Variants in FILIP1L observed in about 807,000 individuals in gnomAD.
FILIP1L encodes the protein filamin A-interacting protein 1-like.
In FILIP1L, 55 loss-of-function variants were observed where a neutral mutation model predicts 96.6. The observed-to-expected ratio is 0.57, with a 90% CI of 0.46 to 0.71. The LOEUF is 0.71. Among genes scored for constraint, FILIP1L ranks in the 30% least tolerant of loss-of-function variants. The probability of loss-of-function intolerance (pLI) is 0.00; values close to 1 mark genes in which losing one functional copy is unlikely to be tolerated. For synonymous variants in FILIP1L, 467 were observed against 473.9 expected (o/e 0.99, Z 0.19); for missense variants, 1,304 against 1,321.2 (o/e 0.99, Z 0.20).
chr3:99,908,685 T>C (rs747902552), intron 4 of FILIP1L, among the ~76,000 whole-genome samples: 1 of 152,216 alleles, frequency 6.6e-6, no homozygotes, highest in Non-Finnish European at 1.5e-5. Flanking sequence ...TTACCTCCTT[T>C]AAAAGGTTGT....
At position 99,941,200 on chromosome 3, in the gene FILIP1L, T is replaced by C. The variant is rs182447178; in HGVS notation, c.-10-10170A>G. On this transcript the variant is annotated intron_variant, in intron 1 of 5. Transcript: ENST00000477258. ...TCCTATTCCTTACGTCTTTTTTTTTTAGACACACGGAGTTGATATTATTCT... is the reference window on the plus strand; with the variant it reads ...TCCTATTCCTTACGTCTTTTTTTTTCAGACACACGGAGTTGATATTATTCT... Among the ~76,000 whole-genome samples, 111 of 152,330 alleles carry C rather than the reference T, an allele frequency of 7.3e-4. 2 individuals carry two copies. In the East Asian group the frequency reaches 0.019, roughly 27 times the overall value.
chr3:99,836,386 G>A (rs764169678), intron 5 of FILIP1L, among the ~76,000 whole-genome samples: 1 of 152,162 alleles, frequency 6.6e-6, no homozygotes, highest in South Asian at 2.1e-4. Flanking sequence ...AGTATATTGG[G>A]TTATGGGCGC....
rs574150700 is a variant in FILIP1L, at chr3:99,983,594, G to A, written c.-10-52564C>T. Among the ~76,000 whole-genome samples, 42 of 145,124 alleles carry A rather than the reference G, an allele frequency of 2.9e-4. 1 individual carries two copies. In the East Asian group the frequency reaches 8.3e-3, roughly 29 times the overall value. ...AATCCCAGCTACTTGGGAGGTTGAG[G>A]CAAGATAATTGCTTGAACCGGGGAG... is the stretch of plus-strand genomic sequence containing the variant. On this transcript the variant is annotated intron_variant, in intron 1 of 5. Transcript: ENST00000477258.
chr3:99,873,451 T>A (rs566053057), intron 4 of FILIP1L, among the ~76,000 whole-genome samples: 66 of 152,336 alleles, frequency 4.3e-4, no homozygotes, highest in African/African-American at 1.5e-3. Flanking sequence ...CAGTCTTTTA[T>A]AAACAGTTCT....
intron 1 of FILIP1L, among the ~76,000 whole-genome samples, chr3:99,957,330 A>G (rs1487901000): frequency 2.6e-5 from 4 of 152,120 alleles, no homozygotes; most frequent in Non-Finnish European, 5.9e-5. Context: ...GCATTAACAG[A>G]AAGTATTTAG....
chr3:99,878,553 A>G (rs1705616785), intron 4 of FILIP1L, among the ~76,000 whole-genome samples: 1 of 152,206 alleles, frequency 6.6e-6, no homozygotes, highest in African/African-American at 2.4e-5. Context: ...TGTTTGGTAA[A>G]GGAGTGTTCA....
At chr3:100,060,498 GA>G (rs112558785) in intron 1 of FILIP1L, among the ~76,000 whole-genome samples, 32 of 148,062 alleles carry the variant, frequency 2.2e-4, no homozygotes, top group East Asian at 3.9e-4. Flanking sequence ...CTTCACCCAA[GA>G]AAAAAAAAAT....
chr3:100,052,601 G>A lies in FILIP1L; in HGVS notation c.-11+61452C>T, dbSNP rs535020912. Among the ~76,000 whole-genome samples the A allele has an allele frequency of 2.6e-5, 4 of 152,302 alleles. No individual in the cohort carries two copies. In the South Asian group the frequency reaches 8.3e-4, roughly 32 times the overall value. ...ATTCAATGCTAGTATAGGAAAGAGG[G>A]CCTGAGACATGAAGATAGCTCAGGA... On this transcript the variant is annotated intron_variant, in intron 1 of 5. Coordinates refer to ENST00000477258, the MANE Select transcript of FILIP1L (RefSeq NM_001387850.1).
intron 1 of FILIP1L, among the ~76,000 whole-genome samples, chr3:99,966,412 CTATA>C (rs1396765911): frequency 6.6e-6 from 1 of 151,784 alleles, no homozygotes; most frequent in Non-Finnish European, 1.5e-5. Context: ...TTTTTTTCGG[CTATA>C]TATAGTTTTA....
chr3:99,942,560 C>G (rs145604690), intron 1 of FILIP1L, among the ~76,000 whole-genome samples: 1,759 of 152,242 alleles, frequency 0.012, 19 homozygotes, highest in African/African-American at 0.026. Flanking sequence ...TGCCAGTCGC[C>G]GTGGCTCACG....
In FILIP1L at chr3:99,938,578, C is replaced by T. The variant is rs182355805; in HGVS notation, c.-10-7548G>A. 1.1e-4 allele frequency among the ~76,000 whole-genome samples: 17 copies of T among 152,290 alleles called. No homozygotes were observed. In the East Asian group the frequency reaches 3.3e-3, roughly 29 times the overall value. On this transcript the variant is annotated intron_variant, in intron 1 of 5. Coordinates refer to ENST00000477258, the MANE Select transcript of FILIP1L (RefSeq NM_001387850.1). The stretch of plus-strand genomic sequence containing the variant: ...CTTTACATTTGCACTTGCATTTCCC[C>T]CTATCTTTACACAGAACCTTTAAGC...
intron 1 of FILIP1L, among the ~76,000 whole-genome samples, chr3:100,087,900 G>A (rs1480653048): frequency 4.2e-5 from 6 of 142,656 alleles, no homozygotes; most frequent in Non-Finnish European, 6.0e-5. Context: ...GCAAGATCTC[G>A]ACTCACTGCA....
At chr3:100,056,738 G>A (rs913919005) in intron 1 of FILIP1L, among the ~76,000 whole-genome samples, 10 of 151,090 alleles carry the variant, frequency 6.6e-5, no homozygotes, top group South Asian at 4.2e-4. Context: ...GGTGGCTCAC[G>A]CCTGTAATCC....
At chr3:99,887,213 G>C (rs551689350) in intron 4 of FILIP1L, among the ~76,000 whole-genome samples, 1 of 151,946 alleles carries the variant, frequency 6.6e-6, no homozygotes, top group South Asian at 2.1e-4. Flanking sequence ...GTCGCGGTTA[G>C]CCGAGATTGA....
At chr3:100,087,342 A>C (rs2066026468) in intron 1 of FILIP1L, among the ~76,000 whole-genome samples, 1 of 152,244 alleles carries the variant, frequency 6.6e-6, no homozygotes, top group Non-Finnish European at 1.5e-5. Context: ...CCAGTTGCTC[A>C]GCAACCTCAC....
At chr3:99,963,491 G>GT in intron 1 of FILIP1L, among the ~76,000 whole-genome samples, 1 of 152,194 alleles carries the variant, frequency 6.6e-6, no homozygotes, top group South Asian at 2.1e-4. Flanking sequence ...GGGAGCAACT[G>GT]CTTGAAAGTA....
intron 4 of FILIP1L, among the ~76,000 whole-genome samples, chr3:99,906,939 G>T (rs1706637088): frequency 6.6e-6 from 1 of 152,184 alleles, no homozygotes; most frequent in South Asian, 2.1e-4. Flanking sequence ...AGACAACTCT[G>T]AATGGTTTCA....
chr3:100,006,430 C>T (rs1709987834), intron 1 of FILIP1L, among the ~76,000 whole-genome samples: 1 of 152,094 alleles, frequency 6.6e-6, no homozygotes, highest in African/African-American at 2.4e-5. Flanking sequence ...CTATTACCCA[C>T]AAATGGATAA....
intron 4 of FILIP1L, among the ~76,000 whole-genome samples, chr3:99,869,390 C>T (rs1351563914): frequency 6.6e-6 from 1 of 152,152 alleles, no homozygotes; most frequent in East Asian, 1.9e-4. Context: ...TATTTGAAAG[C>T]CTCAAGAATA....
Sources: gnomAD v4.1 joint callset for allele counts (sites outside exome capture counted in the v4.1 genomes callset) on GRCh38, gnomAD v4.1.1 for gene constraint, MANE v1.5 for transcripts, NCBI Gene and HGNC (gene_info 2026-07-23, HGNC 2026-07-21) for gene names.